OCA2: variants seen among roughly 807,000 people sequenced by gnomAD.
The protein encoded by OCA2 is P protein.
OCA2 carries 77 observed loss-of-function variants against 100.2 expected under a neutral mutation model. The observed-to-expected ratio is 0.77, with a 90% CI of 0.64 to 0.93. The LOEUF (loss-of-function observed/expected upper bound fraction) is 0.93. Among genes scored for constraint, OCA2 ranks in the 40% least tolerant of loss-of-function variants. OCA2 has a pLI of 0.00. For synonymous variants in OCA2, 432 were observed against 439.2 expected (o/e 0.98, Z 0.21); for missense variants, 1,062 against 1,089.1 (o/e 0.98, Z 0.35).
At position 27,871,798 on chromosome 15, in the gene OCA2, T is replaced by G. The variant is rs937377321; in HGVS notation, c.2139+65A>C. The G allele has an allele frequency of 1.3e-5, 16 of 1,194,946 alleles. No individual in the cohort carries two copies. The Admixed American group carries it at 2.8e-4, about 21-fold the overall frequency. The allele number at this position is 1,194,946 out of a possible 1,614,324, so 74.0% of individuals were successfully genotyped here. On this transcript the variant is annotated intron_variant, in intron 20 of 23. Coordinates refer to ENST00000354638, the MANE Select transcript of OCA2 (RefSeq NM_000275.3). ...GTTCTTACCAGAGTGCTTTTTTTTT[T>G]TAATTTTTTTCACAAAATCAAAGAA...
the OCA2 span, among the ~76,000 whole-genome samples, chr15:27,730,234 T>C: frequency 6.6e-6 from 1 of 152,104 alleles, no homozygotes; most frequent in Non-Finnish European, 1.5e-5. Context: ...GCCAGTTAAT[T>C]ATAGAGGATA....
chr15:27,913,920 C>A (rs80174347), intron 19 of OCA2, among the ~76,000 whole-genome samples: 23,062 of 57,152 alleles, frequency 0.4, 5,744 homozygotes, highest in Middle Eastern at 0.6. Flanking sequence ...AGCAAGCAAG[C>A]AAGCAAGCAA....
At chr15:27,984,537 C>G (rs1385697672) in intron 13 of OCA2, among the ~76,000 whole-genome samples, 2 of 152,034 alleles carry the variant, frequency 1.3e-5, no homozygotes, top group African/African-American at 2.4e-5. Flanking sequence ...ACCTGGTGGT[C>G]TGGGGTGAGC....
intron 21 of OCA2, among the ~76,000 whole-genome samples, chr15:27,869,004 A>G (rs895743611): frequency 1.3e-5 from 2 of 152,218 alleles, no homozygotes; most frequent in Admixed American, 1.3e-4. Context: ...GAAGGGCCAC[A>G]TGTCCCCTTC....
intron 1 of OCA2, among the ~76,000 whole-genome samples, chr15:28,090,261 G>A (rs1384194861): frequency 1.3e-5 from 2 of 152,186 alleles, no homozygotes; most frequent in African/African-American, 2.4e-5. Context: ...TATAGTTAGA[G>A]ACTTAAACAT....
intron 6 of OCA2, among the ~76,000 whole-genome samples, chr15:28,020,700 C>G (rs1001017132): frequency 6.6e-6 from 1 of 152,226 alleles, no homozygotes; most frequent in Non-Finnish European, 1.5e-5. Context: ...AGCTCAGGCA[C>G]GGTTTTAAAG....
At chr15:28,083,061 C>T (rs72714116) in intron 1 of OCA2, among the ~76,000 whole-genome samples, 2,327 of 152,274 alleles carry the variant, frequency 0.015, 20 homozygotes, top group Admixed American at 0.025. Context: ...GGATGTCTGG[C>T]GCTGAGATGC....
chr15:27,760,589 A>G (rs1489462434), intron 23 of OCA2, among the ~76,000 whole-genome samples: 1 of 151,976 alleles, frequency 6.6e-6, no homozygotes, highest in African/African-American at 2.4e-5. Context: ...GTAAAAAGAG[A>G]AAAAAGAGAA....
chr15:28,072,177 C>A (rs941410078), intron 2 of OCA2, among the ~76,000 whole-genome samples: 7 of 151,986 alleles, frequency 4.6e-5, no homozygotes, highest in Non-Finnish European at 8.8e-5. Flanking sequence ...ACCATCCTGG[C>A]TAACATGGTG....
Position 27,993,822 on chromosome 15 carries a change from G to A in OCA2, c.1045-3175C>T, listed in dbSNP as rs555811269. 7.3e-4 allele frequency among the ~76,000 whole-genome samples: 111 copies of A among 152,070 alleles called. 1 individual carries two copies. The highest frequency in any genetic ancestry group is 9.1e-4 in the Non-Finnish European group (62 of 68,018). On this transcript the variant is annotated intron_variant, in intron 9 of 23. Transcript: ENST00000354638. ...CCAGCTAAGGGGCCCCACACACCACGTGGGAGGCGAAACCATCACTTCCCA... is the reference window on the plus strand; with the variant it reads ...CCAGCTAAGGGGCCCCACACACCACATGGGAGGCGAAACCATCACTTCCCA...
chr15:27,949,599 G>A (rs1390662118), intron 18 of OCA2, among the ~76,000 whole-genome samples: 1 of 152,122 alleles, frequency 6.6e-6, no homozygotes, highest in Non-Finnish European at 1.5e-5. Context: ...GGAGGCAGAG[G>A]CTGCACTGAG....
At chr15:27,872,375 T>C (rs982679937) in intron 19 of OCA2, among the ~76,000 whole-genome samples, 3 of 152,358 alleles carry the variant, frequency 2.0e-5, no homozygotes, top group African/African-American at 7.2e-5. Context: ...GAAAAGTCTA[T>C]TTAACTGGCA....
intron 2 of OCA2, among the ~76,000 whole-genome samples, chr15:28,034,650 C>T (rs191483553): frequency 1.3e-5 from 2 of 152,172 alleles, no homozygotes; most frequent in African/African-American, 4.8e-5. Context: ...TGGTGTACTC[C>T]TGTAGTCCCA....
chr15:27,776,082 T>C (rs769271147), intron 23 of OCA2, among the ~76,000 whole-genome samples: 10 of 152,230 alleles, frequency 6.6e-5, no homozygotes, highest in Non-Finnish European at 1.3e-4. Flanking sequence ...AGTCATAATT[T>C]CCTCTTTAGC....
intron 19 of OCA2, among the ~76,000 whole-genome samples, chr15:27,896,855 T>C (rs1457559642): frequency 1.3e-5 from 2 of 152,092 alleles, no homozygotes; most frequent in Non-Finnish European, 2.9e-5. Context: ...CGAATGTTAA[T>C]TCCCAAGACA....
chr15:28,059,350 G>A (rs2043801886), intron 2 of OCA2, among the ~76,000 whole-genome samples: 1 of 152,192 alleles, frequency 6.6e-6, no homozygotes, highest in African/African-American at 2.4e-5. Flanking sequence ...AAAGGAATAA[G>A]GTAAATCTTA....
At chr15:28,003,577 T>C (rs1364037700) in intron 9 of OCA2, among the ~76,000 whole-genome samples, 2 of 147,292 alleles carry the variant, frequency 1.4e-5, no homozygotes, top group Admixed American at 6.6e-5. Context: ...TTCTGGCTGC[T>C]ACACGCTGGC....
At chr15:27,814,538 T>G (rs1208350502) in intron 23 of OCA2, among the ~76,000 whole-genome samples, 3 of 152,180 alleles carry the variant, frequency 2.0e-5, no homozygotes, top group Non-Finnish European at 4.4e-5. Context: ...AGTCAATCTT[T>G]AAGATTATTG....
At chr15:27,790,454 C>G (rs745889318) in intron 23 of OCA2, among the ~76,000 whole-genome samples, 4 of 152,338 alleles carry the variant, frequency 2.6e-5, no homozygotes, top group Admixed American at 6.5e-5. Context: ...AAATACTACT[C>G]AGCAATAAAA....
Sources: allele counts gnomAD v4.1 joint callset (sites outside exome capture counted in the v4.1 genomes callset), GRCh38; gene constraint gnomAD v4.1.1; transcripts MANE v1.5; gene names NCBI Gene and HGNC (gene_info 2026-07-23, HGNC 2026-07-21).